The following TAF1B variants were observed in gnomAD, a reference collection of about 807,000 sequenced individuals.
TAF1B encodes TATA-box binding protein associated factor, RNA polymerase I subunit B.
TAF1B carries 61 observed loss-of-function variants against 83.9 expected under a neutral mutation model. That is an observed-to-expected ratio of 0.73 (90% CI 0.59 to 0.90). The LOEUF (loss-of-function observed/expected upper bound fraction) is 0.90, where lower values mean the gene tolerates loss of function less well. Ranked by LOEUF, TAF1B falls within the 40% of genes least tolerant of loss-of-function variation. TAF1B has a pLI of 0.00. For synonymous variants in TAF1B, 221 were observed against 224.6 expected (o/e 0.98, Z 0.14); for missense variants, 625 against 677.0 (o/e 0.92, Z 0.85).
intron 13 of TAF1B, 98 bp from the exon 14 acceptor site, chr2:9,919,500 G>A: frequency 1.8e-6 from 2 of 1,083,534 alleles, no homozygotes; most frequent in Non-Finnish European, 2.7e-6. Context: ...CGAAAACTAA[G>A]GAACCAATAT....
At chr2:9,857,452 G>C (rs1156941297) in intron 5 of TAF1B, among the ~76,000 whole-genome samples, 1 of 152,184 alleles carries the variant, frequency 6.6e-6, no homozygotes, top group East Asian at 1.9e-4. Flanking sequence ...TAAGGATTTT[G>C]ACCTAAGCAG....
At chr2:9,912,057 G>A (rs550965056) in intron 11 of TAF1B, among the ~76,000 whole-genome samples, 1 of 152,150 alleles carries the variant, frequency 6.6e-6, no homozygotes, top group Non-Finnish European at 1.5e-5. Flanking sequence ...AATAACTCCT[G>A]CCGCAGTCAC....
intron 9 of TAF1B, among the ~76,000 whole-genome samples, chr2:9,907,306 A>ATT (rs1364039642): frequency 6.6e-6 from 1 of 151,912 alleles, no homozygotes; most frequent in Non-Finnish European, 1.5e-5. Flanking sequence ...CATACATAAG[A>ATT]TTACAAGAGT....
intron 3 of TAF1B, among the ~76,000 whole-genome samples, chr2:9,850,988 G>A (rs929403007): frequency 1.3e-5 from 2 of 152,158 alleles, no homozygotes; most frequent in African/African-American, 4.8e-5. Flanking sequence ...TTCTTTGAAT[G>A]TTCTTACTGC....
Position 9,919,578 on chromosome 2 carries a change from C to CT in TAF1B, c.1343-13dup, listed in dbSNP as rs779534287. ...TTAACATTACTTGTTATTTTGTTTC[C>CT]TTTTTTTCTCCGGTTCCAGAAATGG... On this transcript the variant is annotated intron_variant, in intron 13 of 14. Transcript: ENST00000263663. 5.6e-6 allele frequency: 9 copies of CT among 1,600,044 alleles called. No homozygotes were observed. In the African/African-American group the frequency reaches 9.4e-5, roughly 17 times the overall value.
At chr2:9,885,604 G>A (rs1664649850) in intron 8 of TAF1B, among the ~76,000 whole-genome samples, 1 of 152,146 alleles carries the variant, frequency 6.6e-6, no homozygotes, top group Non-Finnish European at 1.5e-5. Context: ...TTCTAGGTGT[G>A]AATCTTTATG....
chr2:9,922,504 T>C (rs1665906072), intron 14 of TAF1B, among the ~76,000 whole-genome samples: 1 of 152,120 alleles, frequency 6.6e-6, no homozygotes, highest in African/African-American at 2.4e-5. Flanking sequence ...CAAATTTCAC[T>C]TCCTTGGAGA....
At chr2:9,920,258 A>G (rs1665830369) in intron 14 of TAF1B, among the ~76,000 whole-genome samples, 1 of 152,180 alleles carries the variant, frequency 6.6e-6, no homozygotes, top group Admixed American at 6.5e-5. Flanking sequence ...CGATACCTTT[A>G]TCTCACCCAC....
chr2:9,855,336 A>G (rs2125137581), intron 5 of TAF1B, among the ~76,000 whole-genome samples: 1 of 152,288 alleles, frequency 6.6e-6, no homozygotes, highest in Non-Finnish European at 1.5e-5. Flanking sequence ...GCCCCTTGCC[A>G]TGGGGTCACA....
At chr2:9,862,175 AAAG>A (rs1482838346) in intron 5 of TAF1B, among the ~76,000 whole-genome samples, 1 of 152,230 alleles carries the variant, frequency 6.6e-6, no homozygotes, top group Non-Finnish European at 1.5e-5. Context: ...AACCAATGGC[AAAG>A]AAGATTAAAA....
At chr2:9,858,024 A>T (rs1663621489) in intron 5 of TAF1B, among the ~76,000 whole-genome samples, 2 of 152,152 alleles carry the variant, frequency 1.3e-5, no homozygotes, top group Non-Finnish European at 2.9e-5. Flanking sequence ...CAGTCTACCA[A>T]AGTCTTAACT....
rs1179597997 is a variant in TAF1B, at chr2:9,880,920, A to AACGAAATATACTAATAAAAAC, written c.708-1786_708-1785insACGAAATATACTAATAAAAAC. Among the ~76,000 whole-genome samples the AACGAAATATACTAATAAAAAC allele has an allele frequency of 5.3e-5, 8 of 152,356 alleles. No individual in the cohort carries two copies. In the East Asian group the frequency reaches 1.3e-3, roughly 26 times the overall value. On this transcript the variant is annotated intron_variant, in intron 7 of 14. Coordinates refer to ENST00000263663, the MANE Select transcript of TAF1B (RefSeq NM_005680.3). Reference sequence around the variant, plus strand: ...TACAAATACTGATTACTGCACATAAATACTATCATATAAACGAAATATACT... The same window carrying AACGAAATATACTAATAAAAAC: ...TACAAATACTGATTACTGCACATAAAACGAAATATACTAATAAAAACTACTATCATATAAACGAAATATACT...
chr2:9,876,848 G>A (rs1664335127), intron 7 of TAF1B, among the ~76,000 whole-genome samples: 1 of 152,080 alleles, frequency 6.6e-6, no homozygotes, highest in Non-Finnish European at 1.5e-5. Context: ...TCAATAATTA[G>A]CGCTACATGG....
intron 5 of TAF1B, among the ~76,000 whole-genome samples, chr2:9,862,289 G>A (rs999457776): frequency 2.0e-5 from 3 of 152,152 alleles, no homozygotes; most frequent in South Asian, 2.1e-4. Flanking sequence ...CAAGAACTAC[G>A]TGAGGAATGC....
intron 14 of TAF1B, among the ~76,000 whole-genome samples, chr2:9,926,983 T>C (rs1255781898): frequency 6.6e-6 from 1 of 151,592 alleles, no homozygotes. Context: ...CAACTGGTCA[T>C]TTACATTAGG....
chr2:9,920,110 C>T (rs1055949432), intron 14 of TAF1B, among the ~76,000 whole-genome samples: 1 of 152,154 alleles, frequency 6.6e-6, no homozygotes, highest in Non-Finnish European at 1.5e-5. Context: ...TTTTTTAGTA[C>T]ATATCACTTC....
In TAF1B at chr2:9,923,233, A is replaced by G. The variant is rs561849034; in HGVS notation, c.1565+3413A>G. ...AGCCTGGGCGACAGAGCAAGACTCC[A>G]TCTCAAAAAAAAAAAAAAAAAAATT... On this transcript the variant is annotated intron_variant, in intron 14 of 14. Coordinates refer to ENST00000263663, the MANE Select transcript of TAF1B (RefSeq NM_005680.3). 7.5e-3 allele frequency among the ~76,000 whole-genome samples: 826 copies of G among 109,414 alleles called. 3 individuals are homozygous for G. The highest frequency in any genetic ancestry group is 0.013 in the Non-Finnish European group (566 of 44,592). 71.8% of individuals were successfully genotyped at this position (109,414 alleles called of 152,430 possible).
intron 8 of TAF1B, among the ~76,000 whole-genome samples, chr2:9,891,150 G>A (rs930691676): frequency 3.9e-5 from 6 of 152,154 alleles, no homozygotes; most frequent in African/African-American, 1.2e-4. Context: ...CATATACAAC[G>A]GTGGTCTAAT....
At chr2:9,857,879 T>G (rs1438870084) in intron 5 of TAF1B, among the ~76,000 whole-genome samples, 1 of 152,136 alleles carries the variant, frequency 6.6e-6, no homozygotes, top group Non-Finnish European at 1.5e-5. Flanking sequence ...ACCAGGTCCC[T>G]CTCGCAACAT....
Sources: allele counts gnomAD v4.1 joint callset (sites outside exome capture counted in the v4.1 genomes callset), GRCh38; gene constraint gnomAD v4.1.1; transcripts MANE v1.5; gene names NCBI Gene and HGNC (gene_info 2026-07-23, HGNC 2026-07-21).